ATCAY: variants seen among roughly 807,000 people sequenced by gnomAD.
ATCAY encodes the protein ATCAY kinesin light chain interacting caytaxin.
In ATCAY, 22 loss-of-function variants were observed where a neutral mutation model predicts 47.7. The observed-to-expected ratio is 0.46, with a 90% CI of 0.33 to 0.66. The LOEUF (loss-of-function observed/expected upper bound fraction) is 0.66, where lower values mean the gene tolerates loss of function less well. Ranked by LOEUF, ATCAY falls within the 30% of genes least tolerant of loss-of-function variation. ATCAY has a pLI of 0.02. For missense variants in ATCAY, 452 were observed against 515.0 expected, an observed-to-expected ratio of 0.88 and a Z score of 1.18; for synonymous variants, 216 against 207.6, an observed-to-expected ratio of 1.04 and a Z score of -0.35.
intron 1 of ATCAY, among the ~76,000 whole-genome samples, chr19:3,881,301 T>C (rs1397785663): frequency 6.6e-6 from 1 of 150,866 alleles, no homozygotes; most frequent in African/African-American, 2.5e-5. Context: ...TCAGCTTCTC[T>C]CTGGGACGCT....
intron 9 of ATCAY, among the ~76,000 whole-genome samples, chr19:3,915,090 T>C (rs2038955463): frequency 6.6e-6 from 1 of 152,178 alleles, no homozygotes; most frequent in Non-Finnish European, 1.5e-5. Flanking sequence ...TGCAAAAATC[T>C]CCTTAAACGT....
chr19:3,912,121 G>A (rs1286270906), intron 8 of ATCAY, among the ~76,000 whole-genome samples: 4 of 152,044 alleles, frequency 2.6e-5, no homozygotes, highest in African/African-American at 7.2e-5. Flanking sequence ...AAATAATTGA[G>A]GTTCTTGCCA....
Position 3,880,872 on chromosome 19 carries a change from T to G in ATCAY, c.-178T>G, listed in dbSNP as rs1296763322. On this transcript the variant is annotated 5_prime_UTR_variant, in exon 1 of 13. The change abolishes an upstream ATG in the 5' untranslated region. Coordinates refer to ENST00000450849, the MANE Select transcript of ATCAY (RefSeq NM_033064.5). The stretch of plus-strand genomic sequence containing the variant: ...GTCGCCCTGGGTGACCTTCCTCGGA[T>G]GCAGAATCCGCCCCTGCGAGCATCC... 1 of 152,354 alleles carries G rather than the reference T, an allele frequency of 6.6e-6. No individual in the cohort carries two copies. The highest frequency in any genetic ancestry group is 6.6e-5 in the Admixed American group (1 of 15,264). The allele number at this position is 152,354 out of a possible 1,614,324, so 9.4% of individuals were successfully genotyped here. A position where few individuals can be genotyped will look rare whatever the true frequency, so the allele number is the denominator to read the frequency against.
At chr19:3,885,687 A>G (rs912925598) in intron 1 of ATCAY, 40 bp from the exon 2 acceptor site, 3 of 1,222,014 alleles carry the variant, frequency 2.5e-6, no homozygotes, top group African/African-American at 3.0e-5. Flanking sequence ...CATTAGGACT[A>G]TTGTCCAGTA....
intron 2 of ATCAY, among the ~76,000 whole-genome samples, chr19:3,886,862 C>A (rs949809221): frequency 6.6e-6 from 1 of 151,564 alleles, no homozygotes; most frequent in African/African-American, 2.4e-5. Context: ...TACAGGCACC[C>A]GCCACCACAT....
chr19:3,909,396 A>T, intron 6 of ATCAY, 90 bp from the exon 7 acceptor site: 1 of 1,470,010 alleles, frequency 6.8e-7, no homozygotes, highest in Non-Finnish European at 9.3e-7. Flanking sequence ...AGCCAGCGGC[A>T]GGAGTGGAGG....
intron 9 of ATCAY, among the ~76,000 whole-genome samples, chr19:3,914,776 G>T (rs929935766): frequency 1.3e-5 from 2 of 150,672 alleles, no homozygotes; most frequent in Non-Finnish European, 2.9e-5. Flanking sequence ...AGCCGAGATC[G>T]CACCACTGCA....
Position 3,907,862 on chromosome 19 carries a change from G to A in ATCAY, c.487G>A (p.Glu163Lys). The A allele has an allele frequency of 6.2e-7, 1 of 1,613,974 alleles. No individual in the cohort carries two copies. The highest frequency in any genetic ancestry group is 8.5e-7 in the Non-Finnish European group (1 of 1,179,854). ...LWRTVIIGEQ[E>K]HRIDLHMIRP... Reference sequence around the variant, plus strand: ...GCGGACAGTGATCATCGGGGAGCAAGAGCACCGTATAGACCTGCACATGAT... The same window carrying A: ...GCGGACAGTGATCATCGGGGAGCAAAAGCACCGTATAGACCTGCACATGAT... Residue 163 changes from glutamate (E) to lysine (K), a missense_variant, in exon 5 of 13, where the codon GAG becomes AAG. Glu to Lys is a moderately conservative substitution (Grantham distance 56, BLOSUM62 1). Transcript: ENST00000450849. The surrounding 1 kb of genome is among the most constrained non-coding windows in gnomAD (Gnocchi z 5.1).
rs147949816 is a variant in ATCAY at position 3,918,151 on chromosome 19, G to A, written c.1001+374G>A. 8.6e-3 allele frequency among the ~76,000 whole-genome samples: 1,306 copies of A among 152,210 alleles called. 13 individuals carry two copies. Among genetic ancestry groups the A allele is most frequent in the South Asian group, 0.058 (280 of 4,818 alleles). Reference sequence around the variant, plus strand: ...TGTAATCCCAGCACTTTGGGAGGCTGAGGCAGGAGGATTGTGTGAGGTCAG... The same window carrying A: ...TGTAATCCCAGCACTTTGGGAGGCTAAGGCAGGAGGATTGTGTGAGGTCAG... On this transcript the variant is annotated intron_variant, in intron 10 of 12. Transcript: ENST00000450849.
rs373631624 is a variant in ATCAY at position 3,924,665 on chromosome 19, G to T, written c.*73G>T. ...GAAAACCTCTGTCAGACGCCCACTG[G>T]CCCCAGATCTCATCCTGCCTCATCC... On this transcript the variant is annotated 3_prime_UTR_variant, in exon 13 of 13. Coordinates refer to ENST00000450849, the MANE Select transcript of ATCAY (RefSeq NM_033064.5). 403 of 1,553,398 alleles carry T rather than the reference G, an allele frequency of 2.6e-4. 3 individuals carry two copies. The Middle Eastern group carries it at 3.5e-3, about 14-fold the overall frequency.
intron 1 of ATCAY, among the ~76,000 whole-genome samples, chr19:3,884,451 C>T (rs1464870521): frequency 1.3e-5 from 2 of 152,070 alleles, no homozygotes; most frequent in African/African-American, 4.8e-5. Context: ...TGGCCTGGTA[C>T]ATATGGCAGA....
intron 9 of ATCAY, among the ~76,000 whole-genome samples, chr19:3,917,211 G>A (rs2038973479): frequency 6.6e-6 from 1 of 151,806 alleles, no homozygotes; most frequent in Non-Finnish European, 1.5e-5. Flanking sequence ...GATCGCTTGA[G>A]CCCAGGAGTT....
intron 8 of ATCAY, 149 bp from the exon 9 acceptor site, chr19:3,913,609 C>A: frequency 1.6e-6 from 1 of 622,784 alleles, no homozygotes; most frequent in Non-Finnish European, 2.9e-6. Context: ...AGGCTGTCAT[C>A]GGGCGGGAGG....
In ATCAY at chr19:3,913,853, T is replaced by C; in HGVS notation, c.962T>C (p.Leu321Pro). 1 of 1,611,594 alleles carries C rather than the reference T, an allele frequency of 6.2e-7. No homozygotes were observed. The highest frequency in any genetic ancestry group is 8.5e-7 in the Non-Finnish European group (1 of 1,178,436). ...MEHVQIPDCV[L>P]QYEEERLKAR... The stretch of plus-strand genomic sequence containing the variant: ...CACGTCCAGATCCCAGACTGCGTCC[T>C]GCAGTGAGTGGCCCCACAGTCCACC... The change falls in exon 9 of 13, where the codon CTG becomes CCG. Residue 321 changes from leucine to proline, a missense_variant. By Grantham distance (98) the Leu-to-Pro change is moderately conservative. Transcript: ENST00000450849.
chr19:3,907,011 G>A lies in ATCAY; in HGVS notation c.359-723G>A, dbSNP rs1258554194. ...AAATTAGCCGGGCATGGTGGCGTGC[G>A]TAGTCCCAGCTACTCGGGAGGCTGA... On this transcript the variant is annotated intron_variant, in intron 4 of 12. Transcript: ENST00000450849. This position sits in a 1 kb window ranked among gnomAD's most constrained non-coding sequence, Gnocchi z 5.1. Among the ~76,000 whole-genome samples, 3 of 151,500 alleles carry A rather than the reference G, an allele frequency of 2.0e-5. No individual in the cohort carries two copies. The highest frequency in any genetic ancestry group is 4.9e-5 in the African/African-American group (2 of 41,224).
In ATCAY at chr19:3,905,608, C is replaced by A; in HGVS notation, c.311C>A (p.Thr104Asn). 1 of 1,613,722 alleles carries A rather than the reference C, an allele frequency of 6.2e-7. No homozygotes were observed. Among genetic ancestry groups the A allele is most frequent in the South Asian group, 1.1e-5 (1 of 91,052 alleles). ...NVDDIETPDETDSLEFLGNGN... is the reference protein window; with the variant it reads ...NVDDIETPDENDSLEFLGNGN... Reference sequence around the variant, plus strand: ...GATGACATCGAGACCCCCGATGAGACCGACTCGCTGGAGTTCCTGGGGAAT... The same window carrying A: ...GATGACATCGAGACCCCCGATGAGAACGACTCGCTGGAGTTCCTGGGGAAT... Residue 104 changes from threonine (T) to asparagine (N), a missense_variant, in exon 4 of 13, where the codon ACC becomes AAC. Thr to Asn is a moderately conservative substitution (Grantham distance 65). Transcript: ENST00000450849.
Position 3,905,419 on chromosome 19 carries a change from CT to C in ATCAY, c.137-14del. ...GAAAGCAAAGATGTTTTCCATTTTT[CT>C]CATTTCCCTGCAGCTCCTCCCAACA... is the stretch of plus-strand genomic sequence containing the variant. On this transcript the variant is annotated splice_polypyrimidine_tract_variant and intron_variant, in intron 3 of 12. Transcript: ENST00000450849. 2 of 1,574,012 alleles carry C rather than the reference CT, an allele frequency of 1.3e-6. No homozygotes were observed. Among genetic ancestry groups the C allele is most frequent in the Non-Finnish European group, 1.7e-6 (2 of 1,159,104 alleles).
At chr19:3,917,665 A>G (rs2038978340) in intron 9 of ATCAY, 77 bp from the exon 10 acceptor site, 2 of 1,524,716 alleles carry the variant, frequency 1.3e-6, no homozygotes, top group African/African-American at 1.4e-5. Context: ...CTCTGCTTGA[A>G]AAGGAAAGGG....
At chr19:3,902,741 C>T (rs1005343646) in intron 3 of ATCAY, among the ~76,000 whole-genome samples, 196 bp downstream of exon 3, 1 of 152,108 alleles carries the variant, frequency 6.6e-6, no homozygotes, top group African/African-American at 2.4e-5. Context: ...AGCCAGCACG[C>T]TGTGTTGCTG....
Sources: gnomAD v4.1 joint callset for allele counts (sites outside exome capture counted in the v4.1 genomes callset) on GRCh38, gnomAD v4.1.1 for gene constraint, Gnocchi (gnomAD v3.1) non-coding constraint, MANE v1.5 for transcripts, NCBI Gene and HGNC (gene_info 2026-07-23, HGNC 2026-07-21) for gene names.